The following UBQLN3 variants were observed in gnomAD, a reference collection of about 807,000 sequenced individuals.
UBQLN3 encodes ubiquilin 3, also known as ubiquilin-3.
Under a neutral mutation model 2.9 loss-of-function variants are expected in UBQLN3, and 1 was observed. The observed-to-expected ratio is 0.35, with a 90% confidence interval of 0.12 to 1.66. UBQLN3 has a LOEUF of 1.66. Ranked by LOEUF, UBQLN3 falls within the 40% of genes most tolerant of loss-of-function variation. UBQLN3 has a pLI of 0.35. For missense variants in UBQLN3, 924 were observed against 816.5 expected (o/e 1.13, Z -1.61); for synonymous variants, 358 against 317.6 (o/e 1.13, Z -1.35).
chr11:5,509,515 G>C lies in UBQLN3; in HGVS notation c.44C>G (p.Pro15Arg). 1 of 1,614,186 alleles carries C rather than the reference G, an allele frequency of 6.2e-7. No individual in the cohort carries two copies. Among genetic ancestry groups the C allele is most frequent in the East Asian group, 2.2e-5 (1 of 44,882 alleles). Reference sequence around the variant, plus strand: ...CTTGATGAGGTGGGGATCCTGGACTGGTGCTGGGCTGCCCTGTGGCAGGGC... The same window carrying C: ...CTTGATGAGGTGGGGATCCTGGACTCGTGCTGGGCTGCCCTGTGGCAGGGC... Reference protein sequence around the residue: ...GEALPQGSPAPVQDPHLIKVT... With the variant: ...GEALPQGSPARVQDPHLIKVT... The change falls in exon 2 of 2, where the codon CCA becomes CGA. Residue 15 changes from proline (P) to arginine (R), a missense_variant. Coordinates refer to ENST00000311659, the MANE Select transcript of UBQLN3 (RefSeq NM_017481.4).
At position 5,509,343 on chromosome 11, in the gene UBQLN3, A is replaced by T. The variant is rs1846439471; in HGVS notation, c.216T>A (p.Asp72Glu). 1.9e-6 allele frequency: 3 copies of T among 1,614,052 alleles called. No individual in the cohort carries two copies. In the African/African-American group the frequency reaches 4.0e-5, roughly 22 times the overall value. ...VLIFAGKILKDPDSLAQCGVR... is the reference protein window; with the variant it reads ...VLIFAGKILKEPDSLAQCGVR... The stretch of plus-strand genomic sequence containing the variant: ...CTCCACACTGTGCCAGTGAGTCAGG[A>T]TCCTTGAGGATTTTGCCAGCAAAGA... The change falls in exon 2 of 2, where the codon GAT (aspartate) becomes GAA (glutamate). Residue 72 changes from aspartate (D) to glutamate (E), a missense_variant. By Grantham distance (45) the Asp-to-Glu change is conservative (BLOSUM62 2). Coordinates refer to ENST00000311659, the MANE Select transcript of UBQLN3 (RefSeq NM_017481.4).
Position 5,509,656 on chromosome 11 carries a change from G to GT in UBQLN3, c.-36-63dup, listed in dbSNP as rs773187750. On this transcript the variant is annotated intron_variant, in intron 1 of 1. Transcript: ENST00000311659. The stretch of plus-strand genomic sequence containing the variant: ...TCAGGCAATGGCAAAAGTAGGAAGG[G>GT]TGAGTATGAAAAGGGTCTTGAATAT... 402 of 1,483,260 alleles carry GT rather than the reference G, an allele frequency of 2.7e-4. No homozygotes were observed. The Middle Eastern group carries it at 7.0e-3, about 26-fold the overall frequency. 91.9% of individuals were successfully genotyped at this position (1,483,260 alleles called of 1,614,324 possible). A position where few individuals can be genotyped will look rare whatever the true frequency, so the allele number is the denominator to read the frequency against.
chr11:5,507,750 A>C lies in UBQLN3; in HGVS notation c.1809T>G (p.Val603=), dbSNP rs1846400071. The C allele has an allele frequency of 6.2e-7, 1 of 1,613,986 alleles. No individual in the cohort carries two copies. The highest frequency in any genetic ancestry group is 8.5e-7 in the Non-Finnish European group (1 of 1,180,036). The part of the protein sequence containing the change: ...PPFLHMLQDL[V]STNPQQLQPE... Reference sequence around the variant, plus strand: ...GCTGCAGCTGCTGGGGATTTGTACTAACTAAATCTTGCAGCATATGGAGAA... The same window carrying C: ...GCTGCAGCTGCTGGGGATTTGTACTCACTAAATCTTGCAGCATATGGAGAA... The change falls in exon 2 of 2, where the codon GTT becomes GTG. Residue 603 remains valine, a synonymous_variant. Coordinates refer to ENST00000311659, the MANE Select transcript of UBQLN3 (RefSeq NM_017481.4).
At position 5,509,166 on chromosome 11, in the gene UBQLN3, G is replaced by A; in HGVS notation, c.393C>T (p.Ala131=). The A allele has an allele frequency of 6.2e-7, 1 of 1,613,968 alleles. No homozygotes were observed. Among genetic ancestry groups the A allele is most frequent in the Non-Finnish European group, 8.5e-7 (1 of 1,179,886 alleles). ...GGCCTGTGAGGAGACCTAAGCTAAA[G>A]GCAGGGGGCCCATCTGCTGGGTAAA... ...SSIYPADGPP[A]FSLGLLTGLS... The change falls in exon 2 of 2, where the codon GCC becomes GCT. Residue 131 remains alanine (A), a synonymous_variant. Transcript: ENST00000311659.
chr11:5,508,802 C>T lies in UBQLN3; in HGVS notation c.757G>A (p.Val253Met). The T allele has an allele frequency of 6.2e-7, 1 of 1,614,192 alleles. No individual in the cohort carries two copies. The highest frequency in any genetic ancestry group is 8.5e-7 in the Non-Finnish European group (1 of 1,180,036). ...ATATCTGTGTACATAGTGCAAAGCACATTGTAGCCACCAGGAATGCTCTCC... is the reference window on the plus strand; with the variant it reads ...ATATCTGTGTACATAGTGCAAAGCATATTGTAGCCACCAGGAATGCTCTCC... ...NLESIPGGYN[V>M]LCTMYTDIMD... Residue 253 changes from valine to methionine, a missense_variant, in exon 2 of 2, where the codon GTG becomes ATG. Val to Met is a conservative substitution (Grantham distance 21, BLOSUM62 1). Transcript: ENST00000311659. This position sits in a 1 kb window ranked among gnomAD's most constrained non-coding sequence, Gnocchi z 4.2.
intron 1 of UBQLN3, 64 bp from the exon 2 acceptor site, chr11:5,509,658 G>A: frequency 6.8e-7 from 1 of 1,480,278 alleles, no homozygotes; most frequent in South Asian, 1.4e-5. Flanking sequence ...TAGGAAGGGT[G>A]AGTATGAAAA....
rs1846414322 is a variant in UBQLN3, at chr11:5,508,218, C to G, written c.1341G>C (p.Gly447=). The part of the protein sequence containing the change: ...HSTNLPDLVS[G]LGDSANRVPF... ...GAACCCTGTTGGCAGAATCTCCCAG[C>G]CCCGAGACAAGATCAGGCAAGTTTG... is the stretch of plus-strand genomic sequence containing the variant. Residue 447 remains glycine, a synonymous_variant, in exon 2 of 2, where the codon GGG becomes GGC. Transcript: ENST00000311659. This position sits in a 1 kb window ranked among gnomAD's most constrained non-coding sequence, Gnocchi z 4.2. 1 of 1,614,032 alleles carries G rather than the reference C, an allele frequency of 6.2e-7. No individual in the cohort carries two copies. Among genetic ancestry groups the G allele is most frequent in the Non-Finnish European group, 8.5e-7 (1 of 1,180,032 alleles).
rs767063918 is a variant in UBQLN3, at chr11:5,508,624, C to T, written c.935G>A (p.Gly312Asp). Reference sequence around the variant, plus strand: ...CTGCCTTCCTTGCCTGCTACCTGAGCCTCCATGTGTGGAAGTCCAGGGGTT... The same window carrying T: ...CTGCCTTCCTTGCCTGCTACCTGAGTCTCCATGTGTGGAAGTCCAGGGGTT... ...LPNPWTSTHGGSGSRQGRQDG... is the reference protein window; with the variant it reads ...LPNPWTSTHGDSGSRQGRQDG... Residue 312 changes from glycine to aspartate, a missense_variant, in exon 2 of 2, where the codon GGC becomes GAC. Coordinates refer to ENST00000311659, the MANE Select transcript of UBQLN3 (RefSeq NM_017481.4). The surrounding 1 kb of genome is among the most constrained non-coding windows in gnomAD (Gnocchi z 4.2). 3.7e-6 allele frequency: 6 copies of T among 1,614,096 alleles called. No homozygotes were observed. In the South Asian group the frequency reaches 5.5e-5, roughly 15 times the overall value.
At position 5,508,740 on chromosome 11, in the gene UBQLN3, A is replaced by G. The variant is rs1340281230; in HGVS notation, c.819T>C (p.Phe273=). The G allele has an allele frequency of 3.7e-6, 6 of 1,613,914 alleles. No individual in the cohort carries two copies. The highest frequency in any genetic ancestry group is 4.2e-6 in the Non-Finnish European group (5 of 1,180,026). ...DPMLNAVQEQ[F]GGNPFATATT... is the part of the protein sequence containing the mutation. ...TGGCAGTGGCAAAGGGATTGCCGCC[A>G]AACTGCTCCTGGACTGCGTTAAGCA... The change falls in exon 2 of 2, where the codon TTT becomes TTC. Residue 273 remains phenylalanine, a synonymous_variant. Transcript: ENST00000311659. The surrounding 1 kb of genome is among the most constrained non-coding windows in gnomAD (Gnocchi z 4.2).
At position 5,508,098 on chromosome 11, in the gene UBQLN3, C is replaced by T. The variant is rs777219084; in HGVS notation, c.1461G>A (p.Arg487=). The T allele has an allele frequency of 6.2e-7, 1 of 1,614,138 alleles. No homozygotes were observed. Among genetic ancestry groups the T allele is most frequent in the Admixed American group, 1.7e-5 (1 of 60,022 alleles). ...GTGGAGCTGGATTCATGCCATCTGG[C>T]CTCAGAGATCTTGGATAAGCCGGGG... The part of the protein sequence containing the change: ...LPSPAYPRSL[R]PDGMNPAPQL... Residue 487 remains arginine, a synonymous_variant, in exon 2 of 2, where the codon AGG becomes AGA. Coordinates refer to ENST00000311659, the MANE Select transcript of UBQLN3 (RefSeq NM_017481.4). The surrounding 1 kb of genome is among the most constrained non-coding windows in gnomAD (Gnocchi z 4.2).
chr11:5,508,967 G>C lies in UBQLN3; in HGVS notation c.592C>G (p.Gln198Glu). Residue 198 changes from glutamine (Q) to glutamate (E), a missense_variant, in exon 2 of 2, where the codon CAG becomes GAG. Physicochemically the swap from Gln to Glu is conservative, Grantham distance 29 (BLOSUM62 2). Transcript: ENST00000311659. The surrounding 1 kb of genome is among the most constrained non-coding windows in gnomAD (Gnocchi z 4.2). ...RQLVLDNPHMQQLIQHNPEIG... is the reference protein window; with the variant it reads ...RQLVLDNPHMEQLIQHNPEIG... ...TCAGGGTTGTGCTGGATCAGCTGCT[G>C]CATATGGGGGTTGTCAAGAACCAGC... 6.2e-7 allele frequency: 1 copy of C among 1,614,212 alleles called. No homozygotes were observed.
intron 1 of UBQLN3, 105 bp from the exon 2 acceptor site, chr11:5,509,699 CA>C: frequency 7.3e-7 from 1 of 1,374,366 alleles, no homozygotes; most frequent in East Asian, 2.5e-5. Context: ...GGGAAATCTG[CA>C]GGGTCTACAT....
intron 1 of UBQLN3, 46 bp downstream of exon 1, chr11:5,509,828 T>G: frequency 2.2e-6 from 1 of 445,772 alleles, no homozygotes. Context: ...AGTTGATGAA[T>G]ACAGGGACAA....
At position 5,509,393 on chromosome 11, in the gene UBQLN3, C is replaced by T. The variant is rs149544776; in HGVS notation, c.166G>A (p.Ala56Thr). The change falls in exon 2 of 2, where the codon GCC (alanine) becomes ACC (threonine). Residue 56 changes from alanine (A) to threonine (T), a missense_variant. Physicochemically the swap from Ala to Thr is moderately conservative, Grantham distance 58 (BLOSUM62 0). Transcript: ENST00000311659. ...ATTAGAACAAGCTGATCGGGGTGGG[C>T]CTTAAAGCGCTGAGATATCTCTTCC... ...LKEEISQRFK[A>T]HPDQLVLIFA... The T allele has an allele frequency of 1.8e-5, 29 of 1,614,010 alleles. No homozygotes were observed. The highest frequency in any genetic ancestry group is 2.5e-5 in the Non-Finnish European group (29 of 1,180,014).
chr11:5,509,551 T>C lies in UBQLN3; in HGVS notation c.8A>G (p.Lys3Arg). The change falls in exon 2 of 2, where the codon AAA becomes AGA. Residue 3 changes from lysine to arginine, a missense_variant. Transcript: ENST00000311659. Reference sequence around the variant, plus strand: ...GCCCTGTGGCAGGGCTTCTCCACCTTTGGCCATGGTGGCAGCAGGAGGCCC... The same window carrying C: ...GCCCTGTGGCAGGGCTTCTCCACCTCTGGCCATGGTGGCAGCAGGAGGCCC... Reference protein sequence around the residue: MAKGGEALPQGSP... With the variant: MARGGEALPQGSP... 6 of 1,612,564 alleles carry C rather than the reference T, an allele frequency of 3.7e-6. No individual in the cohort carries two copies. Among genetic ancestry groups the C allele is most frequent in the Non-Finnish European group, 5.1e-6 (6 of 1,179,156 alleles).
At position 5,508,617 on chromosome 11, in the gene UBQLN3, AC is replaced by A; in HGVS notation, c.941del (p.Gly314ValfsTer27). 6.2e-7 allele frequency: 1 copy of A among 1,614,046 alleles called. No individual in the cohort carries two copies. The highest frequency in any genetic ancestry group is 8.5e-7 in the Non-Finnish European group (1 of 1,179,988). ...NPWTSTHGGS[G>X]SRQGRQDGDQ... is the part of the protein sequence containing the mutation. ...CCCCATCCTGCCTTCCTTGCCTGCT[AC>A]CTGAGCCTCCATGTGTGGAAGTCCA... On this transcript the variant is annotated frameshift_variant, in exon 2 of 2. Coordinates refer to ENST00000311659, the MANE Select transcript of UBQLN3 (RefSeq NM_017481.4). LOFTEE classifies it low-confidence loss of function (END_TRUNC). This position sits in a 1 kb window ranked among gnomAD's most constrained non-coding sequence, Gnocchi z 4.2.
Position 5,508,463 on chromosome 11 carries a change from C to A in UBQLN3, c.1096G>T (p.Ala366Ser). 1 of 1,611,242 alleles carries A rather than the reference C, an allele frequency of 6.2e-7. No individual in the cohort carries two copies. Among genetic ancestry groups the A allele is most frequent in the Non-Finnish European group, 8.5e-7 (1 of 1,178,542 alleles). The change falls in exon 2 of 2, where the codon GCC becomes TCC. Residue 366 changes from alanine (A) to serine (S), a missense_variant. Physicochemically the swap from Ala to Ser is moderately conservative, Grantham distance 99 (BLOSUM62 1). Transcript: ENST00000311659. The surrounding 1 kb of genome is among the most constrained non-coding windows in gnomAD (Gnocchi z 4.2). ...LGTYLQGTAS[A>S]LSQSQEPPPS... is the part of the protein sequence containing the mutation. ...GGTGGTTCCTGGCTTTGGCTGAGGG[C>A]AGATGCAGTCCCCTGTAGATAAGTT...
chr11:5,509,509 T>C lies in UBQLN3; in HGVS notation c.50A>G (p.Gln17Arg), dbSNP rs1247035877. 6.2e-7 allele frequency: 1 copy of C among 1,614,208 alleles called. No individual in the cohort carries two copies. Among genetic ancestry groups the C allele is most frequent in the South Asian group, 1.1e-5 (1 of 91,082 alleles). The change falls in exon 2 of 2, where the codon CAG (glutamine) becomes CGG (arginine). Residue 17 changes from glutamine to arginine, a missense_variant. Transcript: ENST00000311659. The stretch of plus-strand genomic sequence containing the variant: ...TGTCACCTTGATGAGGTGGGGATCC[T>C]GGACTGGTGCTGGGCTGCCCTGTGG... ...ALPQGSPAPV[Q>R]DPHLIKVTVK...
Position 5,508,919 on chromosome 11 carries a change from G to T in UBQLN3, c.640C>A (p.Pro214Thr), listed in dbSNP as rs745647835. Reference sequence around the variant, plus strand: ...TCCAGTGTCTGCCGCATAATTTCCGGGTTGTTAAGAATATGCCCAATCTCA... The same window carrying T: ...TCCAGTGTCTGCCGCATAATTTCCGTGTTGTTAAGAATATGCCCAATCTCA... ...NPEIGHILNN[P>T]EIMRQTLEFL... Residue 214 changes from proline (P) to threonine (T), a missense_variant, in exon 2 of 2, where the codon CCG becomes ACG. Pro to Thr is a conservative substitution (Grantham distance 38). Transcript: ENST00000311659. The surrounding 1 kb of genome is among the most constrained non-coding windows in gnomAD (Gnocchi z 4.2). 1.2e-6 allele frequency: 2 copies of T among 1,614,184 alleles called. No individual in the cohort carries two copies. Among genetic ancestry groups the T allele is most frequent in the Admixed American group, 1.7e-5 (1 of 60,022 alleles).
Sources: gnomAD v4.1 joint callset for allele counts on GRCh38, gnomAD v4.1.1 for gene constraint, Gnocchi (gnomAD v3.1) non-coding constraint, MANE v1.5 for transcripts, NCBI Gene and HGNC (gene_info 2026-07-23, HGNC 2026-07-21) for gene names.